The following PCDHGA4 variants were observed in gnomAD, a reference collection of about 807,000 sequenced individuals.
The protein encoded by PCDHGA4 is protocadherin gamma-A4.
Under a neutral mutation model 54.6 loss-of-function variants are expected in PCDHGA4, and 38 were observed. The ratio of observed to expected loss-of-function variants is 0.70; its 90% CI spans 0.54 to 0.91. The LOEUF is 0.91. Ranked by LOEUF, PCDHGA4 falls within the 40% of genes least tolerant of loss-of-function variation. The pLI, the probability that PCDHGA4 is intolerant of heterozygous loss-of-function variation, is 0.00. For synonymous variants in PCDHGA4, 511 were observed against 512.9 expected (o/e 1.00, Z 0.05); for missense variants, 1,298 against 1,220.9 (o/e 1.06, Z -0.94).
chr5:141,500,184 T>TTTTTTTTATTTA (rs1554186429), intron 2 of PCDHGA4, among the ~76,000 whole-genome samples: 16 of 135,886 alleles, frequency 1.2e-4, no homozygotes, highest in African/African-American at 4.3e-4. Context: ...TCATTTTTAT[T>TTTTTTTTATTTA]TTTATTTATT....
chr5:141,467,008 A>T (rs1319152720), intron 1 of PCDHGA4, among the ~76,000 whole-genome samples: 1 of 150,270 alleles, frequency 6.7e-6, no homozygotes, highest in African/African-American at 2.4e-5. Context: ...TTGCAATGCA[A>T]TTTTTTTCCC....
intron 1 of PCDHGA4, chr5:141,404,898 A>G (rs760424169): frequency 1.9e-6 from 3 of 1,613,714 alleles, no homozygotes; most frequent in Non-Finnish European, 2.5e-6. Context: ...GTACAGGACC[A>G]TGGCCAGCCC....
chr5:141,404,499 C>T lies in PCDHGA4; in HGVS notation c.2514+46878C>T, dbSNP rs147632103. ...AACTCAGACACTGGTGTGCTGTATG[C>T]TCTGTGCTCCTTTGACTATGAGCAG... On this transcript the variant is annotated intron_variant, in intron 1 of 3. Coordinates refer to ENST00000571252, the MANE Select transcript of PCDHGA4 (RefSeq NM_018917.4). 1.0e-4 allele frequency: 163 copies of T among 1,613,840 alleles called. 1 individual carries two copies. The East Asian group carries it at 3.6e-3, about 36-fold the overall frequency.
chr5:141,404,628 C>T (rs1183309479), intron 1 of PCDHGA4: 2 of 1,614,100 alleles, frequency 1.2e-6, no homozygotes, highest in Non-Finnish European at 1.7e-6. Flanking sequence ...AATGACAATG[C>T]CCCAGAAATC....
intron 1 of PCDHGA4, chr5:141,398,582 T>A: frequency 6.2e-7 from 1 of 1,614,000 alleles, no homozygotes. Context: ...GGCACAAGAT[T>A]TATACTAGAA....
intron 1 of PCDHGA4, among the ~76,000 whole-genome samples, chr5:141,458,809 T>G (rs2098953834): frequency 6.6e-6 from 1 of 152,190 alleles, no homozygotes; most frequent in Non-Finnish European, 1.5e-5. Flanking sequence ...CTCAGCTCAC[T>G]GCAACCTCTG....
chr5:141,370,840 G>T (rs762166631), intron 1 of PCDHGA4: 1 of 1,614,022 alleles, frequency 6.2e-7, no homozygotes, highest in South Asian at 1.1e-5. Flanking sequence ...GCTCTCACTG[G>T]AGCCACATTT....
chr5:141,380,834 G>A (rs559775684), intron 1 of PCDHGA4, among the ~76,000 whole-genome samples: 114 of 152,272 alleles, frequency 7.5e-4, no homozygotes, highest in Admixed American at 3.9e-3. Flanking sequence ...TGAGGCATCA[G>A]GTAAAAATGG....
intron 1 of PCDHGA4, among the ~76,000 whole-genome samples, chr5:141,474,773 G>T (rs1290099424): frequency 6.6e-6 from 1 of 152,182 alleles, no homozygotes; most frequent in East Asian, 1.9e-4. Flanking sequence ...ATAGTATGAG[G>T]CTCTAACACT....
At chr5:141,414,812 T>C (rs1389980970) in intron 1 of PCDHGA4, 1 of 1,614,172 alleles carries the variant, frequency 6.2e-7, no homozygotes, top group South Asian at 1.1e-5. Flanking sequence ...GATCCTCCAC[T>C]CAGCAGCAAC....
intron 1 of PCDHGA4, chr5:141,395,039 T>A: frequency 6.2e-7 from 1 of 1,614,020 alleles, no homozygotes; most frequent in Non-Finnish European, 8.5e-7. Context: ...ATTTTGTGGG[T>A]GTTGAGGAGG....
At chr5:141,488,932 A>G (rs2233598) in intron 1 of PCDHGA4, among the ~76,000 whole-genome samples, 31,368 of 152,090 alleles carry the variant, frequency 0.21, 3,372 homozygotes, top group Admixed American at 0.31. Flanking sequence ...GGATTGAGGA[A>G]ACTCCATAAT....
At position 141,494,758 on chromosome 5, in the gene PCDHGA4, T is replaced by C. The variant is rs370692038; in HGVS notation, c.2515-49T>C. ...CCATCCCTAGGGGCTCGGGTGACAT[T>C]CTAACTTCTCACGGGTACTCAGCCC... On this transcript the variant is annotated intron_variant, in intron 1 of 3. Transcript: ENST00000571252. The C allele has an allele frequency of 1.3e-5, 21 of 1,613,682 alleles. No homozygotes were observed. The African/African-American group carries it at 2.7e-4, about 21-fold the overall frequency.
At chr5:141,502,978 G>T (rs1004984942) in intron 2 of PCDHGA4, among the ~76,000 whole-genome samples, 1 of 150,096 alleles carries the variant, frequency 6.7e-6, no homozygotes, top group Non-Finnish European at 1.5e-5. Context: ...CAAGTAGCTG[G>T]GATTACAGGC....
chr5:141,402,153 T>A (rs2094231712), intron 1 of PCDHGA4, among the ~76,000 whole-genome samples: 1 of 152,166 alleles, frequency 6.6e-6, no homozygotes, highest in Non-Finnish European at 1.5e-5. Flanking sequence ...TTAGCAATAT[T>A]AGGCGAGAAC....
intron 1 of PCDHGA4, chr5:141,364,455 G>C (rs753233498): frequency 1.9e-6 from 3 of 1,614,000 alleles, no homozygotes; most frequent in South Asian, 1.1e-5. Flanking sequence ...CTGGACAAAG[G>C]CTCCTTCGTC....
chr5:141,401,537 A>G (rs188857820), intron 1 of PCDHGA4, among the ~76,000 whole-genome samples: 56 of 152,362 alleles, frequency 3.7e-4, no homozygotes, highest in Non-Finnish European at 7.5e-4. Context: ...AACTTACAAA[A>G]AAAAGGAAAT....
intron 1 of PCDHGA4, among the ~76,000 whole-genome samples, chr5:141,449,762 G>T (rs909809198): frequency 6.6e-6 from 1 of 151,458 alleles, no homozygotes; most frequent in Non-Finnish European, 1.5e-5. Context: ...ACATTTGAGA[G>T]TAAGTTGTAG....
intron 1 of PCDHGA4, chr5:141,392,171 C>A (rs1182647236): frequency 6.6e-6 from 1 of 152,216 alleles, no homozygotes; most frequent in African/African-American, 2.4e-5. Flanking sequence ...CTGAGTCAGT[C>A]ATCTCCAGTA....
Sources: allele counts gnomAD v4.1 joint callset (sites outside exome capture counted in the v4.1 genomes callset), GRCh38; gene constraint gnomAD v4.1.1; transcripts MANE v1.5; gene names NCBI Gene and HGNC (gene_info 2026-07-23, HGNC 2026-07-21).